The following MSRA variants were observed in gnomAD, a reference collection of about 807,000 sequenced individuals.
MSRA encodes the protein mitochondrial peptide methionine sulfoxide reductase.
A neutral mutation model predicts 31.3 loss-of-function variants in MSRA; 54 were observed. That is an observed-to-expected ratio of 1.73 (90% CI 1.39 to 2.17). MSRA has a LOEUF of 2.17. Ranked by LOEUF, MSRA falls within the 30% of genes most tolerant of loss-of-function variation. MSRA has a pLI of 0.00. For missense variants in MSRA, 507 were observed against 300.9 expected (o/e 1.69, Z -5.07); for synonymous variants, 169 against 116.5 (o/e 1.45, Z -2.90).
At position 10,169,477 on chromosome 8, in the gene MSRA, G is replaced by T. The variant is rs531872383; in HGVS notation, c.143-38356G>T. Among the ~76,000 whole-genome samples, 31 of 152,256 alleles carry T rather than the reference G, an allele frequency of 2.0e-4. No homozygotes were observed. In the South Asian group the frequency reaches 6.0e-3, roughly 30 times the overall value. ...CCCTGTATGAAATTAACTCAAAGTG[G>T]ATCATAAACCTAGGTGTAAAACATA... On this transcript the variant is annotated intron_variant, in intron 1 of 5. Transcript: ENST00000317173.
chr8:10,402,041 GTAAATAT>G (rs2129184317), intron 5 of MSRA, among the ~76,000 whole-genome samples: 1 of 152,262 alleles, frequency 6.6e-6, no homozygotes, highest in East Asian at 1.9e-4. Flanking sequence ...GCCTAAAATA[GTAAATAT>G]TATGTTACAT....
At chr8:10,275,720 C>T (rs1289727536) in intron 3 of MSRA, among the ~76,000 whole-genome samples, 1 of 152,142 alleles carries the variant, frequency 6.6e-6, no homozygotes, top group African/African-American at 2.4e-5. Flanking sequence ...AACTTGCAGT[C>T]GGTCGACTCT....
chr8:10,424,645 C>T (rs1447810019), intron 5 of MSRA, among the ~76,000 whole-genome samples: 3 of 137,056 alleles, frequency 2.2e-5, no homozygotes, highest in Non-Finnish European at 4.7e-5. Flanking sequence ...GGGTCTGCGG[C>T]GGAGCTAAAC....
At chr8:10,271,581 A>T (rs1360350963) in intron 3 of MSRA, among the ~76,000 whole-genome samples, 1 of 16,078 alleles carries the variant, frequency 6.2e-5, no homozygotes, top group Admixed American at 8.9e-4. Flanking sequence ...CGTAAATTCA[A>T]TTAAAAATTG....
intron 1 of MSRA, among the ~76,000 whole-genome samples, chr8:10,156,697 A>G (rs1804182884): frequency 6.6e-6 from 1 of 152,118 alleles, no homozygotes; most frequent in Non-Finnish European, 1.5e-5. Context: ...TGCCCCTACC[A>G]GAGAAATGTG....
In MSRA at chr8:10,395,570, G is replaced by A. The variant is rs143323360; in HGVS notation, c.544-32578G>A. Reference sequence around the variant, plus strand: ...GAGGAAGCAGGCACTGATGTTCGAGGAGTTTGAAGGCTCTTGCAGAAGTCC... The same window carrying A: ...GAGGAAGCAGGCACTGATGTTCGAGAAGTTTGAAGGCTCTTGCAGAAGTCC... On this transcript the variant is annotated intron_variant, in intron 5 of 5. Transcript: ENST00000317173. Among the ~76,000 whole-genome samples, 326 of 152,300 alleles carry A rather than the reference G, an allele frequency of 2.1e-3. 1 individual carries two copies. Among genetic ancestry groups the A allele is most frequent in the African/African-American group, 7.6e-3 (317 of 41,572 alleles).
At chr8:10,212,026 T>A (rs996078039) in intron 2 of MSRA, among the ~76,000 whole-genome samples, 6 of 151,950 alleles carry the variant, frequency 3.9e-5, no homozygotes, top group Non-Finnish European at 8.8e-5. Flanking sequence ...AAAAAATATT[T>A]TATATAAAAT....
intron 1 of MSRA, among the ~76,000 whole-genome samples, chr8:10,066,218 C>T (rs1482259232): frequency 6.6e-6 from 1 of 152,000 alleles, no homozygotes; most frequent in East Asian, 1.9e-4. Flanking sequence ...AACTCCTGAC[C>T]TCAGGAGATC....
At chr8:10,062,807 A>G (rs1259005846) in intron 1 of MSRA, among the ~76,000 whole-genome samples, 4 of 152,302 alleles carry the variant, frequency 2.6e-5, no homozygotes, top group Middle Eastern at 6.8e-3. Flanking sequence ...TGTATGTGAT[A>G]GGAGTGGATC....
At chr8:10,427,153 G>A (rs1156493893) in intron 5 of MSRA, among the ~76,000 whole-genome samples, 1 of 152,164 alleles carries the variant, frequency 6.6e-6, no homozygotes, top group Non-Finnish European at 1.5e-5. Flanking sequence ...TGGTCCCCTC[G>A]TGAAAACATG....
In MSRA at chr8:10,245,138, C is replaced by T. The variant is rs1213130004; in HGVS notation, c.246C>T (p.Phe82=). Residue 82 remains phenylalanine, a synonymous_variant, in exon 3 of 6, where the codon TTC becomes TTT. Transcript: ENST00000317173. The part of the protein sequence containing the change: ...MGCFWGAERK[F]WVLKGVYSTQ... The stretch of plus-strand genomic sequence containing the variant: ...GTTTCTGGGGAGCTGAAAGGAAATT[C>T]TGGGTCTTGAAAGGAGTGTATTCAA... The T allele has an allele frequency of 6.2e-7, 1 of 1,611,604 alleles. No individual in the cohort carries two copies. The highest frequency in any genetic ancestry group is 8.5e-7 in the Non-Finnish European group (1 of 1,179,370).
At chr8:10,405,291 C>T (rs1337577906) in intron 5 of MSRA, among the ~76,000 whole-genome samples, 9 of 152,182 alleles carry the variant, frequency 5.9e-5, no homozygotes, top group East Asian at 3.9e-4. Flanking sequence ...CCACCCAGCT[C>T]GGCCACCCAT....
intron 1 of MSRA, among the ~76,000 whole-genome samples, chr8:10,105,566 T>C (rs79547613): frequency 1.1e-4 from 17 of 152,316 alleles, no homozygotes; most frequent in African/African-American, 4.1e-4. Flanking sequence ...CACATTCCCA[T>C]TGCATCTGCA....
intron 3 of MSRA, among the ~76,000 whole-genome samples, chr8:10,254,188 G>A (rs1172004686): frequency 2.0e-5 from 3 of 152,206 alleles, no homozygotes; most frequent in Non-Finnish European, 2.9e-5. Context: ...CAGCGTCTTC[G>A]TTCTTTGAGA....
chr8:10,420,660 G>A (rs1157841381), intron 5 of MSRA, among the ~76,000 whole-genome samples: 1 of 152,040 alleles, frequency 6.6e-6, no homozygotes, highest in African/African-American at 2.4e-5. Flanking sequence ...GATCCTGGCA[G>A]CAAGAGAGGG....
intron 5 of MSRA, among the ~76,000 whole-genome samples, chr8:10,328,054 G>GTTTTTTTTTTTC (rs1563356091): frequency 1.7e-5 from 1 of 58,946 alleles, no homozygotes; most frequent in Admixed American, 2.0e-4. Context: ...TTTTTTTTTA[G>GTTTTTTTTTTTC]TATCAGTGAC....
intron 1 of MSRA, among the ~76,000 whole-genome samples, chr8:10,074,596 C>T (rs1485725621): frequency 6.6e-6 from 1 of 152,132 alleles, no homozygotes; most frequent in Non-Finnish European, 1.5e-5. Flanking sequence ...TGATTATTTT[C>T]CAGCTTGCTT....
chr8:10,323,745 C>CGTGAGTGTGTGTGT (rs1802189575), intron 5 of MSRA, among the ~76,000 whole-genome samples: 1 of 142,622 alleles, frequency 7.0e-6, no homozygotes, highest in Non-Finnish European at 1.5e-5. Flanking sequence ...GAATTAAATA[C>CGTGAGTGTGTGTGT]GTGTGTGTGT....
chr8:10,242,299 T>A (rs1247846250), intron 2 of MSRA, among the ~76,000 whole-genome samples: 5 of 151,368 alleles, frequency 3.3e-5, no homozygotes, highest in African/African-American at 1.2e-4. Context: ...TAAAGACGTA[T>A]CAAATTTAAA....
Sources: allele counts gnomAD v4.1 joint callset (sites outside exome capture counted in the v4.1 genomes callset), GRCh38; gene constraint gnomAD v4.1.1; transcripts MANE v1.5; gene names NCBI Gene and HGNC (gene_info 2026-07-23, HGNC 2026-07-21).